Variants in MDC1 observed in about 807,000 individuals in gnomAD.
The protein encoded by MDC1 is mediator of DNA damage checkpoint protein 1.
Under a neutral mutation model 142.5 loss-of-function variants are expected in MDC1, and 81 were observed. The observed-to-expected ratio is 0.57, with a 90% CI of 0.47 to 0.68. The LOEUF (loss-of-function observed/expected upper bound fraction) is 0.68. Among genes scored for constraint, MDC1 ranks in the 30% least tolerant of loss-of-function variants. MDC1 has a pLI of 0.00. For missense variants in MDC1, 2,119 were observed against 2,547.9 expected, an observed-to-expected ratio of 0.83 and a Z score of 3.62; for synonymous variants, 797 against 968.4, an observed-to-expected ratio of 0.82 and a Z score of 3.29.
At position 30,703,557 on chromosome 6, in the gene MDC1, T is replaced by C. The variant is rs773438608; in HGVS notation, c.5563-20A>G. On this transcript the variant is annotated intron_variant, in intron 10 of 14. Transcript: ENST00000376406. The surrounding 1 kb of genome is among the most constrained non-coding windows in gnomAD (Gnocchi z 4.4). ...GACATCCTGAGATTGAGAAAAATCT[T>C]GGTGGGAGTTTCAGAGCCCTGAAGT... 3 of 1,612,850 alleles carry C rather than the reference T, an allele frequency of 1.9e-6. No individual in the cohort carries two copies. The highest frequency in any genetic ancestry group is 2.5e-6 in the Non-Finnish European group (3 of 1,180,018).
intron 7 of MDC1, 23 bp from the exon 8 acceptor site, chr6:30,708,380 A>G (rs1446978652): frequency 6.3e-7 from 1 of 1,583,156 alleles, no homozygotes; most frequent in Non-Finnish European, 8.6e-7. Context: ...GAAGGAAGAG[A>G]GAGAGAGGGA....
In MDC1 at chr6:30,704,646, G is replaced by C; in HGVS notation, c.4537C>G (p.Arg1513Gly). 1 of 1,610,514 alleles carries C rather than the reference G, an allele frequency of 6.2e-7. No homozygotes were observed. The highest frequency in any genetic ancestry group is 8.5e-7 in the Non-Finnish European group (1 of 1,178,390). The change falls in exon 10 of 15, where the codon CGG becomes GGG. Residue 1513 changes from arginine to glycine, a missense_variant. By Grantham distance (125) the Arg-to-Gly change is moderately radical. Transcript: ENST00000376406. ...CGATTTTTTCTTCCCCTAGTGGTCC[G>C]AGATGTGGGCTCAGAGGTGACAGGC... Reference protein sequence around the residue: ...DQPVTSEPTSRTTRGRKNRSS... With the variant: ...DQPVTSEPTSGTTRGRKNRSS...
chr6:30,715,250 AAAACTAGGGGGT>A lies in MDC1; in HGVS notation c.-3-84_-3-73del. On this transcript the variant is annotated intron_variant, in intron 1 of 14. Coordinates refer to ENST00000376406, the MANE Select transcript of MDC1 (RefSeq NM_014641.3). The surrounding 1 kb of genome is among the most constrained non-coding windows in gnomAD (Gnocchi z 4.1). ...AAACAGCATCAGAGTTATCAGACTG[AAAACTAGGGGGT>A]AAACTGGATCATTATGAACGTTGAT... The A allele has an allele frequency of 1.3e-6, 2 of 1,532,462 alleles. No homozygotes were observed. The highest frequency in any genetic ancestry group is 1.8e-6 in the Non-Finnish European group (2 of 1,107,596). 94.9% of individuals were successfully genotyped at this position (1,532,462 alleles called of 1,614,324 possible). A position where few individuals can be genotyped will look rare whatever the true frequency, so the allele number is the denominator to read the frequency against.
In MDC1 at chr6:30,703,034, C is replaced by A; in HGVS notation, c.5865+70G>T. On this transcript the variant is annotated intron_variant, in intron 12 of 14. Transcript: ENST00000376406. The surrounding 1 kb of genome is among the most constrained non-coding windows in gnomAD (Gnocchi z 4.4). ...TTCCTGTAACGCCTCTTCCCTTCCACCACTTTCTAGGGCACTATATGAGCA... is the reference window on the plus strand; with the variant it reads ...TTCCTGTAACGCCTCTTCCCTTCCAACACTTTCTAGGGCACTATATGAGCA... The A allele has an allele frequency of 1.3e-6, 2 of 1,580,716 alleles. No homozygotes were observed. The highest frequency in any genetic ancestry group is 1.7e-6 in the Non-Finnish European group (2 of 1,160,896).
intron 7 of MDC1, among the ~76,000 whole-genome samples, chr6:30,710,284 T>C (rs759059413): frequency 2.0e-5 from 3 of 152,126 alleles, no homozygotes; most frequent in Non-Finnish European, 2.9e-5. Flanking sequence ...AGACAGGGTT[T>C]CACCATGTTG....
chr6:30,716,929 T>C lies in MDC1; in HGVS notation c.-4+316A>G, dbSNP rs758752515. 47 of 984,612 alleles carry C rather than the reference T, an allele frequency of 4.8e-5. 1 individual carries two copies. The highest frequency in any genetic ancestry group is 5.5e-5 in the Non-Finnish European group (46 of 829,460). The allele number at this position is 984,612 out of a possible 1,614,324, so 61.0% of individuals were successfully genotyped here. A position where few individuals can be genotyped will look rare whatever the true frequency, so the allele number is the denominator to read the frequency against. On this transcript the variant is annotated intron_variant, in intron 1 of 14. Transcript: ENST00000376406. This position sits in a 1 kb window ranked among gnomAD's most constrained non-coding sequence, Gnocchi z 4.4. ...GGAAACTGTTGACAGGTAGGGAAAG[T>C]AGGATGCCCCATGGATAAAGTGTCA... is the stretch of plus-strand genomic sequence containing the variant.
chr6:30,708,420 G>A, intron 7 of MDC1, 63 bp from the exon 8 acceptor site: 1 of 1,281,336 alleles, frequency 7.8e-7, no homozygotes, highest in Non-Finnish European at 1.1e-6. Context: ...GAGGAAGAGG[G>A]AAAGGGAAGT....
rs1293722507 is a variant in MDC1 at position 30,713,624 on chromosome 6, G to C, written c.587+24C>G. 1.2e-6 allele frequency: 2 copies of C among 1,607,926 alleles called. No individual in the cohort carries two copies. The highest frequency in any genetic ancestry group is 4.5e-5 in the East Asian group (2 of 44,854). On this transcript the variant is annotated intron_variant, in intron 4 of 14. Transcript: ENST00000376406. The surrounding 1 kb of genome is among the most constrained non-coding windows in gnomAD (Gnocchi z 4.9). ...GGTTCTTCCTCATTTTGAAGACTCAGGTGTCTGACTCTTTGGCACTCACCT... is the reference window on the plus strand; with the variant it reads ...GGTTCTTCCTCATTTTGAAGACTCACGTGTCTGACTCTTTGGCACTCACCT...
chr6:30,704,867 C>T lies in MDC1; in HGVS notation c.4316G>A (p.Arg1439Lys). The change falls in exon 10 of 15, where the codon AGG (arginine) becomes AAG (lysine). Residue 1439 changes from arginine (R) to lysine (K), a missense_variant. Physicochemically the swap from Arg to Lys is conservative, Grantham distance 26. Coordinates refer to ENST00000376406, the MANE Select transcript of MDC1 (RefSeq NM_014641.3). The stretch of plus-strand genomic sequence containing the variant: ...TGTTTCAGGGGTCTTCACAGAGGAC[C>T]TATTTGTCCTGCCCCTGGTGGCCTG... The part of the protein sequence containing the change: ...TSQATRGRTN[R>K]SSVKTPETVV... The T allele has an allele frequency of 6.4e-7, 1 of 1,574,684 alleles. No individual in the cohort carries two copies. The highest frequency in any genetic ancestry group is 8.6e-7 in the Non-Finnish European group (1 of 1,163,872).
chr6:30,701,400 A>ATC, intron 14 of MDC1, among the ~76,000 whole-genome samples: 3 of 151,968 alleles, frequency 2.0e-5, no homozygotes, highest in Admixed American at 6.6e-5. Flanking sequence ...ACTCTCTCAA[A>ATC]AAAAAAAAAT....
In MDC1 at chr6:30,712,352, C is replaced by G; in HGVS notation, c.1590G>C (p.Pro530=). 6.2e-7 allele frequency: 1 copy of G among 1,613,008 alleles called. No homozygotes were observed. Among genetic ancestry groups the G allele is most frequent in the Non-Finnish European group, 8.5e-7 (1 of 1,180,038 alleles). The change falls in exon 5 of 15, where the codon CCG becomes CCC. Residue 530 remains proline, a synonymous_variant. Coordinates refer to ENST00000376406, the MANE Select transcript of MDC1 (RefSeq NM_014641.3). The surrounding 1 kb of genome is among the most constrained non-coding windows in gnomAD (Gnocchi z 4.7). Reference sequence around the variant, plus strand: ...TTATATGTATAATGGCTGACCCTGGCGGGACTTCCTTCTCCACTTGTGTGT... The same window carrying G: ...TTATATGTATAATGGCTGACCCTGGGGGGACTTCCTTCTCCACTTGTGTGT... ...DINTQVEKEV[P]PGSAIIHIKK... is the part of the protein sequence containing the mutation.
Position 30,712,528 on chromosome 6 carries a change from T to C in MDC1, c.1414A>G (p.Lys472Glu), listed in dbSNP as rs1311727398. Residue 472 changes from lysine (K) to glutamate (E), a missense_variant, in exon 5 of 15, where the codon AAG (lysine) becomes GAG (glutamate). Coordinates refer to ENST00000376406, the MANE Select transcript of MDC1 (RefSeq NM_014641.3). The surrounding 1 kb of genome is among the most constrained non-coding windows in gnomAD (Gnocchi z 4.7). ...LPVENREAVL[K>E]DHTKIRALVR... ...AGGGCTCTAATCTTTGTGTGATCCT[T>C]GAGGACAGCTTCTCTATTTTCCACT... 6.2e-7 allele frequency: 1 copy of C among 1,612,970 alleles called. No homozygotes were observed. Among genetic ancestry groups the C allele is most frequent in the Non-Finnish European group, 8.5e-7 (1 of 1,180,038 alleles).
chr6:30,712,836 A>T lies in MDC1; in HGVS notation c.1106T>A (p.Leu369Gln), dbSNP rs1775117380. ...ATCACTACCAGCCTGGCTCTCCTGCAGATGGGCCAGGCCTGGTGCTCCAGG... is the reference window on the plus strand; with the variant it reads ...ATCACTACCAGCCTGGCTCTCCTGCTGATGGGCCAGGCCTGGTGCTCCAGG... ...RGPGAPGLAHLQESQAGSDTD... is the reference protein window; with the variant it reads ...RGPGAPGLAHQQESQAGSDTD... Residue 369 changes from leucine to glutamine, a missense_variant, in exon 5 of 15, where the codon CTG becomes CAG. Physicochemically the swap from Leu to Gln is moderately radical, Grantham distance 113. Coordinates refer to ENST00000376406, the MANE Select transcript of MDC1 (RefSeq NM_014641.3). This position sits in a 1 kb window ranked among gnomAD's most constrained non-coding sequence, Gnocchi z 4.7. The T allele has an allele frequency of 6.2e-7, 1 of 1,613,064 alleles. No homozygotes were observed.
chr6:30,704,920 G>A lies in MDC1; in HGVS notation c.4263C>T (p.Asp1421=). The change falls in exon 10 of 15, where the codon GAC becomes GAT. Residue 1421 remains aspartate, a synonymous_variant. Coordinates refer to ENST00000376406, the MANE Select transcript of MDC1 (RefSeq NM_014641.3). ...ATGTGGGCTCAGGAGTGACAGGTTGGTCTGTGGAAGTGGAAGGCTCGAGCT... is the reference window on the plus strand; with the variant it reads ...ATGTGGGCTCAGGAGTGACAGGTTGATCTGTGGAAGTGGAAGGCTCGAGCT... The part of the protein sequence containing the change: ...APKLEPSTST[D]QPVTPEPTSQ... 1.9e-6 allele frequency: 3 copies of A among 1,605,486 alleles called. No individual in the cohort carries two copies. The highest frequency in any genetic ancestry group is 2.6e-6 in the Non-Finnish European group (3 of 1,176,176).
At position 30,703,784 on chromosome 6, in the gene MDC1, G is replaced by A; in HGVS notation, c.5399C>T (p.Thr1800Ile). 2.5e-6 allele frequency: 4 copies of A among 1,583,714 alleles called. No individual in the cohort carries two copies. Among genetic ancestry groups the A allele is most frequent in the Non-Finnish European group, 3.4e-6 (4 of 1,166,150 alleles). Residue 1800 changes from threonine (T) to isoleucine (I), a missense_variant, in exon 10 of 15, where the codon ACC becomes ATC. Transcript: ENST00000376406. This position sits in a 1 kb window ranked among gnomAD's most constrained non-coding sequence, Gnocchi z 4.4. ...AGAGGCCTTAGGCTGGAGCTCCGGGGTGAACCTAGATCTACCTGCTGGTTC... is the reference window on the plus strand; with the variant it reads ...AGAGGCCTTAGGCTGGAGCTCCGGGATGAACCTAGATCTACCTGCTGGTTC... ...KVEPAGRSRF[T>I]PELQPKASQS...
In MDC1 at chr6:30,703,805, G is replaced by T; in HGVS notation, c.5378C>A (p.Pro1793Gln). 1 of 1,603,724 alleles carries T rather than the reference G, an allele frequency of 6.2e-7. No individual in the cohort carries two copies. The highest frequency in any genetic ancestry group is 1.1e-5 in the South Asian group (1 of 89,142). Residue 1793 changes from proline (P) to glutamine (Q), a missense_variant, in exon 10 of 15, where the codon CCA (proline) becomes CAA (glutamine). Transcript: ENST00000376406. The surrounding 1 kb of genome is among the most constrained non-coding windows in gnomAD (Gnocchi z 4.4). Reference sequence around the variant, plus strand: ...CGGGGTGAACCTAGATCTACCTGCTGGTTCCACCTTTTGGATCTGGGAGGC... The same window carrying T: ...CGGGGTGAACCTAGATCTACCTGCTTGTTCCACCTTTTGGATCTGGGAGGC... Reference protein sequence around the residue: ...IHASQIQKVEPAGRSRFTPEL... With the variant: ...IHASQIQKVEQAGRSRFTPEL...
rs1276937174 is a variant in MDC1 at position 30,700,468 on chromosome 6, G to A, written c.6267C>T (p.Thr2089=). 3 of 1,611,946 alleles carry A rather than the reference G, an allele frequency of 1.9e-6. No individual in the cohort carries two copies. The Admixed American group carries it at 5.0e-5, about 27-fold the overall frequency. The stretch of plus-strand genomic sequence containing the variant: ...AGGGAAAAGGGTAGTGGAGTTCTCA[G>A]GTGGATGACATCTCCAAAGGGGAGA... ...FVLSPLEMSS[T] The change falls in exon 15 of 15, where the codon ACC becomes ACT. Residue 2089 remains threonine (T), a synonymous_variant. Transcript: ENST00000376406.
At position 30,704,608 on chromosome 6, in the gene MDC1, C is replaced by A; in HGVS notation, c.4575G>T (p.Lys1525Asn). ...CTGCGGGCACAACTGTTTCAGGGGT[C>A]TTGACAGAGGACCGATTTTTTCTTC... Reference protein sequence around the residue: ...TRGRKNRSSVKTPETVVPAAP... With the variant: ...TRGRKNRSSVNTPETVVPAAP... The change falls in exon 10 of 15, where the codon AAG (lysine) becomes AAT (asparagine). Residue 1525 changes from lysine to asparagine, a missense_variant. By Grantham distance (94) the Lys-to-Asn change is moderately conservative. Coordinates refer to ENST00000376406, the MANE Select transcript of MDC1 (RefSeq NM_014641.3). 8.7e-6 allele frequency: 14 copies of A among 1,608,708 alleles called. No individual in the cohort carries two copies. Among genetic ancestry groups the A allele is most frequent in the Non-Finnish European group, 1.2e-5 (14 of 1,178,186 alleles).
intron 7 of MDC1, among the ~76,000 whole-genome samples, chr6:30,711,187 C>T (rs1333089829): frequency 6.6e-6 from 1 of 152,104 alleles, no homozygotes; most frequent in African/African-American, 2.4e-5. Context: ...CCAGCCTGGC[C>T]AACATGGTGA....
Sources: allele counts gnomAD v4.1 joint callset (sites outside exome capture counted in the v4.1 genomes callset), GRCh38; gene constraint gnomAD v4.1.1; non-coding constraint Gnocchi (gnomAD v3.1); transcripts MANE v1.5; gene names NCBI Gene and HGNC (gene_info 2026-07-23, HGNC 2026-07-21).